Variants in CCSER1 observed in about 807,000 individuals in gnomAD.
The protein encoded by CCSER1 is serine-rich coiled-coil domain-containing protein 1.
Under a neutral mutation model 82.0 loss-of-function variants are expected in CCSER1, and 41 were observed. The ratio of observed to expected loss-of-function variants is 0.50; its 90% CI spans 0.39 to 0.65. The LOEUF (loss-of-function observed/expected upper bound fraction) is 0.65, where lower values mean the gene tolerates loss of function less well. Ranked by LOEUF, CCSER1 falls within the 30% of genes least tolerant of loss-of-function variation. The pLI is 0.00. For missense variants in CCSER1, 1,119 were observed against 1,064.2 expected, an observed-to-expected ratio of 1.05 and a Z score of -0.72; for synonymous variants, 414 against 383.9, an observed-to-expected ratio of 1.08 and a Z score of -0.92.
chr4:91,236,713 CTTAAAT>C (rs982800485), intron 10 of CCSER1, among the ~76,000 whole-genome samples: 4 of 152,052 alleles, frequency 2.6e-5, no homozygotes, highest in African/African-American at 9.7e-5. Context: ...TAGACAAATA[CTTAAAT>C]TTAAAAAGCT....
chr4:91,546,015 G>GT (rs1560753014), intron 10 of CCSER1, among the ~76,000 whole-genome samples: 1 of 151,966 alleles, frequency 6.6e-6, no homozygotes, highest in East Asian at 1.9e-4. Context: ...ATTGTCAGAT[G>GT]TTTTTTCTGC....
intron 9 of CCSER1, among the ~76,000 whole-genome samples, chr4:90,978,997 A>G (rs1424828926): frequency 1.3e-5 from 2 of 151,722 alleles, no homozygotes; most frequent in Admixed American, 6.6e-5. Context: ...TAGAATTATA[A>G]ATTTATTCTA....
chr4:90,911,068 G>T (rs1038351032), intron 8 of CCSER1, among the ~76,000 whole-genome samples: 3 of 152,086 alleles, frequency 2.0e-5, no homozygotes, highest in Non-Finnish European at 4.4e-5. Context: ...GGACTTCCTG[G>T]CATTCTCTGC....
chr4:90,837,980 A>G (rs1762018770), intron 8 of CCSER1, among the ~76,000 whole-genome samples: 1 of 152,166 alleles, frequency 6.6e-6, no homozygotes. Context: ...GAAATTGCAT[A>G]TTAAAATGCC....
Position 90,257,572 on chromosome 4 carries a change from C to G in CCSER1, c.-41-50672C>G, listed in dbSNP as rs192928194. 2.1e-3 allele frequency among the ~76,000 whole-genome samples: 303 copies of G among 147,672 alleles called. 3 individuals are homozygous for G. Among genetic ancestry groups the G allele is most frequent in the African/African-American group, 7.2e-3 (276 of 38,100 alleles). On this transcript the variant is annotated intron_variant, in intron 1 of 10. Coordinates refer to ENST00000509176, the MANE Select transcript of CCSER1 (RefSeq NM_001145065.2). ...AGATAGATAGATAGATACATAGATACATAGATACATAGATACTTAGATAGA... is the reference window on the plus strand; with the variant it reads ...AGATAGATAGATAGATACATAGATAGATAGATACATAGATACTTAGATAGA...
At chr4:90,362,654 G>T (rs548343545) in intron 3 of CCSER1, among the ~76,000 whole-genome samples, 1 of 152,002 alleles carries the variant, frequency 6.6e-6, no homozygotes, top group Admixed American at 6.6e-5. Flanking sequence ...TTCCTTTTCC[G>T]CTGGCTTCTC....
intron 9 of CCSER1, among the ~76,000 whole-genome samples, chr4:90,959,517 A>T (rs1053891151): frequency 3.3e-5 from 5 of 152,146 alleles, no homozygotes; most frequent in African/African-American, 1.2e-4. Flanking sequence ...TTTTATTTAA[A>T]ACTTACTATA....
At chr4:91,555,456 C>T (rs924843551) in intron 10 of CCSER1, among the ~76,000 whole-genome samples, 18 of 150,842 alleles carry the variant, frequency 1.2e-4, no homozygotes, top group Admixed American at 2.7e-4. Context: ...GCCCAATGCC[C>T]GGCACATAGT....
At chr4:90,137,210 C>T (rs574247464) in intron 1 of CCSER1, among the ~76,000 whole-genome samples, 2 of 152,036 alleles carry the variant, frequency 1.3e-5, no homozygotes, top group Non-Finnish European at 1.5e-5. Flanking sequence ...CTAAACTGGG[C>T]CATTAAATGA....
At chr4:91,301,916 G>C (rs917414769) in intron 10 of CCSER1, among the ~76,000 whole-genome samples, 5 of 151,790 alleles carry the variant, frequency 3.3e-5, no homozygotes, top group Admixed American at 6.6e-5. Context: ...CTTGGAGCTG[G>C]ATTCAATTAC....
intron 8 of CCSER1, among the ~76,000 whole-genome samples, chr4:90,825,455 G>T (rs1414197208): frequency 6.6e-6 from 1 of 151,932 alleles, no homozygotes; most frequent in Non-Finnish European, 1.5e-5. Context: ...GTAGTCAGTG[G>T]GACATAATGA....
chr4:90,935,055 TTA>T (rs957497686), intron 9 of CCSER1, among the ~76,000 whole-genome samples: 1 of 151,568 alleles, frequency 6.6e-6, no homozygotes, highest in Non-Finnish European at 1.5e-5. Flanking sequence ...TGTATATATA[TTA>T]TATATATATG....
rs556413265 is a variant in CCSER1 at position 90,540,876 on chromosome 4, G to C, written c.1724+72522G>C. 3.1e-4 allele frequency among the ~76,000 whole-genome samples: 47 copies of C among 152,200 alleles called. 1 individual carries two copies. In the East Asian group the frequency reaches 8.7e-3, roughly 28 times the overall value. The stretch of plus-strand genomic sequence containing the variant: ...ATGATGCATAGTGCATAGCACAGTG[G>C]TTGTTTAGTAAGCAATCAATAAAAT... On this transcript the variant is annotated intron_variant, in intron 5 of 10. Coordinates refer to ENST00000509176, the MANE Select transcript of CCSER1 (RefSeq NM_001145065.2).
At chr4:90,782,939 C>T (rs7340943) in intron 7 of CCSER1, among the ~76,000 whole-genome samples, 1 of 150,144 alleles carries the variant, frequency 6.7e-6, no homozygotes, top group Admixed American at 6.6e-5. Context: ...CTCGGCCTCC[C>T]GAAGTGCGTT....
intron 1 of CCSER1, among the ~76,000 whole-genome samples, chr4:90,159,773 A>G (rs888217537): frequency 5.3e-5 from 8 of 152,012 alleles, no homozygotes; most frequent in Admixed American, 1.3e-4. Context: ...TAATATAGTT[A>G]CCTCCCTACT....
chr4:90,956,702 C>T (rs1733466938), intron 9 of CCSER1, among the ~76,000 whole-genome samples: 1 of 151,310 alleles, frequency 6.6e-6, no homozygotes, highest in Non-Finnish European at 1.5e-5. Context: ...CTGGTTTATA[C>T]AAGGATTTCC....
At chr4:91,521,630 G>A (rs1167338986) in intron 10 of CCSER1, among the ~76,000 whole-genome samples, 1 of 152,184 alleles carries the variant, frequency 6.6e-6, no homozygotes, top group Admixed American at 6.5e-5. Flanking sequence ...CTGATGACCA[G>A]TGATGATGAG....
chr4:91,563,291 T>C (rs143284705), intron 10 of CCSER1, among the ~76,000 whole-genome samples: 12 of 151,750 alleles, frequency 7.9e-5, no homozygotes, highest in African/African-American at 2.7e-4. Flanking sequence ...ACTAGGTAAC[T>C]GAATTCAATA....
intron 4 of CCSER1, among the ~76,000 whole-genome samples, chr4:90,413,629 A>G (rs1425765800): frequency 6.6e-6 from 1 of 152,086 alleles, no homozygotes; most frequent in Admixed American, 6.6e-5. Context: ...TGTATTGAAT[A>G]ATTTGAATAG....
Sources: allele counts gnomAD v4.1 joint callset (sites outside exome capture counted in the v4.1 genomes callset), GRCh38; gene constraint gnomAD v4.1.1; transcripts MANE v1.5; gene names NCBI Gene and HGNC (gene_info 2026-07-23, HGNC 2026-07-21).